The following LARS2 variants were observed in gnomAD, a reference collection of about 807,000 sequenced individuals.
The protein encoded by LARS2 is leucine--tRNA ligase, mitochondrial.
In LARS2, 81 loss-of-function variants were observed where a neutral mutation model predicts 116.6. The observed-to-expected ratio is 0.69, with a 90% confidence interval of 0.58 to 0.84. The LOEUF (loss-of-function observed/expected upper bound fraction) is 0.84. LARS2 is among the 40% of genes least tolerant of loss of function. The pLI, the probability that LARS2 is intolerant of heterozygous loss-of-function variation, is 0.00. For synonymous variants in LARS2, 396 were observed against 407.2 expected, an observed-to-expected ratio of 0.97 and a Z score of 0.33; for missense variants, 968 against 1,114.5, an observed-to-expected ratio of 0.87 and a Z score of 1.87.
At position 45,491,724 on chromosome 3, in the gene LARS2, A is replaced by G; in HGVS notation, c.1447A>G (p.Asn483Asp). The change falls in exon 13 of 22, where the codon AAC becomes GAC. Residue 483 changes from asparagine (N) to aspartate (D), a missense_variant. Physicochemically the swap from Asn to Asp is conservative, Grantham distance 23. Transcript: ENST00000645846. ...PLEDLPVTLP[N>D]IASFTGKGGP... ...GGAGGACTTGCCTGTGACCCTGCCC[A>G]ACATCGCGTCTTTCACTGGCAAGGG... The G allele has an allele frequency of 1.4e-5, 22 of 1,613,822 alleles. No individual in the cohort carries two copies. The highest frequency in any genetic ancestry group is 1.9e-5 in the Non-Finnish European group (22 of 1,179,740).
chr3:45,520,141 TG>T, intron 18 of LARS2, 77 bp from the exon 19 acceptor site: 3 of 967,104 alleles, frequency 3.1e-6, no homozygotes, highest in Admixed American at 1.9e-5. Flanking sequence ...CCTTTTTTTT[TG>T]TTTTGATAAT....
rs1700798299 is a variant in LARS2, at chr3:45,541,706, G to T, written c.2405-123G>T. 1.0e-5 allele frequency: 13 copies of T among 1,272,052 alleles called. 1 individual carries two copies. Among genetic ancestry groups the T allele is most frequent in the Middle Eastern group, 2.8e-4 (1 of 3,536 alleles). 78.8% of individuals were successfully genotyped at this position (1,272,052 alleles called of 1,614,324 possible). A position where few individuals can be genotyped will look rare whatever the true frequency, so the allele number is the denominator to read the frequency against. ...GTGAGCACCCAGCAGCCATGGTCTG[G>T]CTTCCCACCGGCTCCTCACACAGCT... On this transcript the variant is annotated intron_variant, in intron 20 of 21. Transcript: ENST00000645846.
Position 45,531,080 on chromosome 3 carries a change from G to C in LARS2, c.2404+6972G>C, listed in dbSNP as rs142797021. Among the ~76,000 whole-genome samples, 431 of 152,222 alleles carry C rather than the reference G, an allele frequency of 2.8e-3. 7 individuals carry two copies. Among genetic ancestry groups the C allele is most frequent in the African/African-American group, 9.8e-3 (408 of 41,534 alleles). On this transcript the variant is annotated intron_variant, in intron 20 of 21. Coordinates refer to ENST00000645846, the MANE Select transcript of LARS2 (RefSeq NM_015340.4). ...TCTCTTTCTGCTATATTTTCTGACT[G>C]ATAATGGCTGGCATATTTTTCTTCT...
intron 12 of LARS2, among the ~76,000 whole-genome samples, chr3:45,490,431 A>C (rs906542112): frequency 3.3e-5 from 5 of 152,302 alleles, no homozygotes; most frequent in South Asian, 2.1e-4. Flanking sequence ...TAAAATAATT[A>C]TTTCAATAAG....
In LARS2 at chr3:45,520,227, C is replaced by T. The variant is rs1397784414; in HGVS notation, c.2223C>T (p.Thr741=). 2.5e-6 allele frequency: 4 copies of T among 1,609,820 alleles called. No individual in the cohort carries two copies. Among genetic ancestry groups the T allele is most frequent in the Non-Finnish European group, 3.4e-6 (4 of 1,176,372 alleles). The change falls in exon 19 of 22, where the codon ACC becomes ACT. Residue 741 remains threonine, a synonymous_variant. Coordinates refer to ENST00000645846, the MANE Select transcript of LARS2 (RefSeq NM_015340.4). ...TGAACCTTTACTAATAGGTGACCACCCATTTCACAGAGGACTTCTCACTGA... is the reference window on the plus strand; with the variant it reads ...TGAACCTTTACTAATAGGTGACCACTCATTTCACAGAGGACTTCTCACTGA... The part of the protein sequence containing the change: ...YKNSVISQVT[T]HFTEDFSLNS...
At chr3:45,441,167 G>A (rs111743330) in intron 6 of LARS2, among the ~76,000 whole-genome samples, 6,981 of 152,054 alleles carry the variant, frequency 0.046, 202 homozygotes, top group East Asian at 0.1. Flanking sequence ...TGGGATTACA[G>A]GCATATGCCA....
At chr3:45,500,620 G>T in intron 15 of LARS2, 41 bp downstream of exon 15, 1 of 1,457,382 alleles carries the variant, frequency 6.9e-7, no homozygotes, top group Non-Finnish European at 9.2e-7. Flanking sequence ...TGAGTTCCAT[G>T]AATAGCAACT....
At chr3:45,436,940 T>G (rs181198596) in intron 6 of LARS2, among the ~76,000 whole-genome samples, 141 of 152,326 alleles carry the variant, frequency 9.3e-4, no homozygotes, top group African/African-American at 3.1e-3. Flanking sequence ...TAGAATCTTG[T>G]GTAGTTTGTA....
At chr3:45,468,815 C>T (rs1014494731) in intron 8 of LARS2, among the ~76,000 whole-genome samples, 7 of 152,172 alleles carry the variant, frequency 4.6e-5, no homozygotes, top group Admixed American at 3.9e-4. Flanking sequence ...CCACAGATCA[C>T]GTACATGGGG....
chr3:45,474,639 A>G (rs1699583276), intron 9 of LARS2, among the ~76,000 whole-genome samples: 1 of 152,188 alleles, frequency 6.6e-6, no homozygotes, highest in Non-Finnish European at 1.5e-5. Flanking sequence ...AGTCTTTGAA[A>G]TCTGTGTTCT....
chr3:45,519,651 G>C (rs1376990772), intron 18 of LARS2: 1 of 140,310 alleles, frequency 7.1e-6, no homozygotes, highest in Admixed American at 7.4e-5. Context: ...CATGTTACTA[G>C]CATTGCTTTT....
intron 4 of LARS2, among the ~76,000 whole-genome samples, chr3:45,414,973 G>C (rs1021033275): frequency 1.1e-4 from 16 of 152,192 alleles, no homozygotes; most frequent in Non-Finnish European, 2.2e-4. Flanking sequence ...TTTCCTGACA[G>C]GGGCAGGGAG....
chr3:45,410,641 C>T (rs1698316435), intron 4 of LARS2, among the ~76,000 whole-genome samples: 1 of 152,212 alleles, frequency 6.6e-6, no homozygotes, highest in Non-Finnish European at 1.5e-5. Context: ...TTTCCTATTT[C>T]TGCTTCTCTC....
At chr3:45,528,978 C>T (rs568469808) in intron 20 of LARS2, among the ~76,000 whole-genome samples, 38 of 152,122 alleles carry the variant, frequency 2.5e-4, no homozygotes, top group Middle Eastern at 6.8e-3. Context: ...AAGAGATTCT[C>T]CTGCCTCAGC....
At chr3:45,452,569 T>C (rs1241231397) in intron 7 of LARS2, among the ~76,000 whole-genome samples, 1 of 152,184 alleles carries the variant, frequency 6.6e-6, no homozygotes, top group African/African-American at 2.4e-5. Context: ...CTTTTTAATG[T>C]GTTGTTGAAT....
rs1697951220 is a variant in LARS2, at chr3:45,391,614, A to C, written c.-56A>C. ...ACCTACAGATAAAAAACATTATTTA[A>C]TCTATCTGGGATTTACTCCGGCTTA... On this transcript the variant is annotated 5_prime_UTR_variant, in exon 2 of 22. Transcript: ENST00000645846. The C allele has an allele frequency of 6.6e-6, 1 of 152,060 alleles. No individual in the cohort carries two copies. Among genetic ancestry groups the C allele is most frequent in the South Asian group, 2.1e-4 (1 of 4,830 alleles). The allele number at this position is 152,060 out of a possible 1,614,324, so 9.4% of individuals were successfully genotyped here.
intron 10 of LARS2, among the ~76,000 whole-genome samples, chr3:45,481,297 T>C (rs1299632393): frequency 2.0e-5 from 3 of 152,252 alleles, no homozygotes; most frequent in Non-Finnish European, 2.9e-5. Context: ...TCTACTTTTT[T>C]ACTATAGTTA....
At chr3:45,465,654 A>T (rs1347459808) in intron 8 of LARS2, among the ~76,000 whole-genome samples, 2 of 152,196 alleles carry the variant, frequency 1.3e-5, no homozygotes, top group Non-Finnish European at 2.9e-5. Context: ...CCTCCAGGAA[A>T]GGTCCTCCAG....
At chr3:45,401,347 C>CA (rs1171940651) in intron 4 of LARS2, among the ~76,000 whole-genome samples, 2 of 151,740 alleles carry the variant, frequency 1.3e-5, no homozygotes, top group African/African-American at 4.8e-5. Flanking sequence ...ACAAAAAATA[C>CA]AAAAAATTAG....
Sources: allele counts gnomAD v4.1 joint callset (sites outside exome capture counted in the v4.1 genomes callset), GRCh38; gene constraint gnomAD v4.1.1; transcripts MANE v1.5; gene names NCBI Gene and HGNC (gene_info 2026-07-23, HGNC 2026-07-21).